RNF135: variants seen among roughly 807,000 people sequenced by gnomAD.
The protein encoded by RNF135 is E3 ubiquitin-protein ligase RNF135.
In RNF135, 46 loss-of-function variants were observed where a neutral mutation model predicts 41.9. The observed-to-expected ratio is 1.10, with a 90% CI of 0.87 to 1.40. RNF135 has a LOEUF of 1.40. Ranked by LOEUF, RNF135 falls within the 40% of genes most tolerant of loss-of-function variation. RNF135 has a pLI of 0.00. For synonymous variants in RNF135, 238 were observed against 223.8 expected, an observed-to-expected ratio of 1.06 and a Z score of -0.57; for missense variants, 539 against 549.8, an observed-to-expected ratio of 0.98 and a Z score of 0.20.
At position 30,999,140 on chromosome 17, in the gene RNF135, G is replaced by A. The variant is rs764458756; in HGVS notation, c.1248G>A (p.Leu416=). 4.3e-6 allele frequency: 7 copies of A among 1,614,142 alleles called. No individual in the cohort carries two copies. The highest frequency in any genetic ancestry group is 3.3e-5 in the Admixed American group (2 of 60,014). ...CTCCTTTGTACCCTGCCTTCTGGCTGTATGGCTTACATCCTGGAAATTACC... is the reference window on the plus strand; with the variant it reads ...CTCCTTTGTACCCTGCCTTCTGGCTATATGGCTTACATCCTGGAAATTACC... ...ASSPLYPAFW[L]YGLHPGNYLI... Residue 416 remains leucine (L), a synonymous_variant, in exon 5 of 5, where the codon CTG becomes CTA. Transcript: ENST00000328381.
At chr17:30,971,485 G>C in intron 1 of RNF135, 40 bp downstream of exon 1, 4 of 1,454,556 alleles carry the variant, frequency 2.7e-6, no homozygotes, top group Non-Finnish European at 3.6e-6. Context: ...GCTCCCCCGG[G>C]CTGCCCGCCG....
intron 1 of RNF135, among the ~76,000 whole-genome samples, chr17:30,980,833 C>G (rs970936639): frequency 6.7e-6 from 1 of 150,296 alleles, no homozygotes. Context: ...CTCCTCGCTT[C>G]CTAGATGGGA....
At chr17:30,995,373 G>T (rs1409647137) in intron 3 of RNF135, among the ~76,000 whole-genome samples, 1 of 151,646 alleles carries the variant, frequency 6.6e-6, no homozygotes, top group African/African-American at 2.4e-5. Flanking sequence ...GGGCGACAGA[G>T]CGAGACTCAG....
chr17:30,987,873 A>G, intron 2 of RNF135, 71 bp from the exon 3 acceptor site: 1 of 1,398,778 alleles, frequency 7.1e-7, no homozygotes, highest in Non-Finnish European at 1.0e-6. Flanking sequence ...GAATAGAAAA[A>G]CTTGAATATA....
At chr17:30,980,646 C>G (rs926818873) in intron 1 of RNF135, among the ~76,000 whole-genome samples, 1 of 129,162 alleles carries the variant, frequency 7.7e-6, no homozygotes, top group African/African-American at 2.9e-5. Flanking sequence ...ACTTCTCAGA[C>G]GGAGCGGCCG....
chr17:30,982,188 G>A (rs1338906600), intron 1 of RNF135, among the ~76,000 whole-genome samples: 1 of 152,206 alleles, frequency 6.6e-6, no homozygotes, highest in Non-Finnish European at 1.5e-5. Context: ...ACTAGGACTT[G>A]CCTAGGAGTT....
At chr17:30,984,462 A>G (rs576761543) in intron 1 of RNF135, among the ~76,000 whole-genome samples, 155 bp from the exon 2 acceptor site, 1 of 152,324 alleles carries the variant, frequency 6.6e-6, no homozygotes, top group South Asian at 2.1e-4. Flanking sequence ...TTAACTATAT[A>G]TGTGAGAGTT....
rs1165909805 is a variant in RNF135 at position 30,971,249 on chromosome 17, G to A, written c.176G>A (p.Cys59Tyr). ...GCCCGCGACGCCCGCCGCTGGGCCT[G>A]CCCCACTTGCCGCCAGGGCGCCGCG... ...WGARDARRWA[C>Y]PTCRQGAAQQ... Residue 59 changes from cysteine to tyrosine, a missense_variant, in exon 1 of 5, where the codon TGC becomes TAC. Physicochemically the swap from Cys to Tyr is radical, Grantham distance 194 (BLOSUM62 -2). Transcript: ENST00000328381. 1.1e-5 allele frequency: 17 copies of A among 1,521,450 alleles called. No individual in the cohort carries two copies. The highest frequency in any genetic ancestry group is 1.4e-5 in the Non-Finnish European group (16 of 1,139,960). The allele number at this position is 1,521,450 out of a possible 1,614,324, so 94.2% of individuals were successfully genotyped here.
At chr17:30,976,432 G>A (rs551259033) in intron 1 of RNF135, among the ~76,000 whole-genome samples, 1 of 152,308 alleles carries the variant, frequency 6.6e-6, no homozygotes, top group Admixed American at 6.5e-5. Flanking sequence ...ATTCTGTAGC[G>A]TGGATGTAAA....
At chr17:30,970,641 C>T (rs1201807360), upstream of RNF135, 3 of 201,152 alleles carry the variant, frequency 1.5e-5, no homozygotes, top group African/African-American at 4.8e-5. Flanking sequence ...ACTTCGTGGG[C>T]TCATTCTCAT....
At chr17:30,998,012 A>G (rs994773341) in intron 4 of RNF135, among the ~76,000 whole-genome samples, 2 of 152,220 alleles carry the variant, frequency 1.3e-5, no homozygotes, top group Admixed American at 6.5e-5. Flanking sequence ...GAAGGTATAA[A>G]CAGCTGTGGT....
chr17:30,971,539 T>G (rs1905948653), intron 1 of RNF135, 94 bp downstream of exon 1: 1 of 1,385,302 alleles, frequency 7.2e-7, no homozygotes, highest in South Asian at 1.6e-5. Flanking sequence ...CCTCAGCCGT[T>G]CTACTTTTAC....
intron 1 of RNF135, among the ~76,000 whole-genome samples, chr17:30,980,453 A>C (rs1907019702): frequency 7.7e-6 from 1 of 129,034 alleles, no homozygotes. Flanking sequence ...GCGGCCGGGC[A>C]GAGGAGCCCC....
chr17:30,982,127 A>G (rs1907193881), intron 1 of RNF135, among the ~76,000 whole-genome samples: 1 of 152,146 alleles, frequency 6.6e-6, no homozygotes, highest in East Asian at 1.9e-4. Context: ...CCTTCCCTTC[A>G]TGGTGGCACA....
In RNF135 at chr17:30,974,690, T is replaced by TA. The variant is rs1466543365; in HGVS notation, c.372+3245_372+3246insA. On this transcript the variant is annotated intron_variant, in intron 1 of 4. Coordinates refer to ENST00000328381, the MANE Select transcript of RNF135 (RefSeq NM_032322.4). Reference sequence around the variant, plus strand: ...TTTTTATTATTATTATTATTATTATTTTTTTTTGAGACAGAGTCTTGTTCT... The same window carrying TA: ...TTTTTATTATTATTATTATTATTATTATTTTTTTGAGACAGAGTCTTGTTCT... 4.4e-4 allele frequency among the ~76,000 whole-genome samples: 65 copies of TA among 148,170 alleles called. 1 individual carries two copies. The highest frequency in any genetic ancestry group is 1.5e-3 in the African/African-American group (58 of 38,628).
At chr17:30,975,673 C>T in intron 1 of RNF135, 1 of 1,396,284 alleles carries the variant, frequency 7.2e-7, no homozygotes, top group Non-Finnish European at 1.0e-6. Flanking sequence ...GTGGAGTCAC[C>T]ACCAGTGTCG....
intron 1 of RNF135, among the ~76,000 whole-genome samples, chr17:30,974,586 A>C (rs1298394041): frequency 1.3e-5 from 2 of 150,106 alleles, no homozygotes; most frequent in Non-Finnish European, 3.0e-5. Context: ...TAATTCCTTC[A>C]GTGATTTTTT....
chr17:30,997,771 G>C (rs1223659488), intron 4 of RNF135, among the ~76,000 whole-genome samples: 4 of 152,148 alleles, frequency 2.6e-5, no homozygotes, highest in African/African-American at 9.7e-5. Flanking sequence ...GTGATCTTGG[G>C]CAAGTCACTT....
intron 4 of RNF135, among the ~76,000 whole-genome samples, chr17:30,997,987 T>C (rs1908480265): frequency 6.6e-6 from 1 of 152,238 alleles, no homozygotes; most frequent in East Asian, 1.9e-4. Flanking sequence ...AATCAGGAAG[T>C]TTCAGTTTAA....
Sources: allele counts gnomAD v4.1 joint callset (sites outside exome capture counted in the v4.1 genomes callset), GRCh38; gene constraint gnomAD v4.1.1; transcripts MANE v1.5; gene names NCBI Gene and HGNC (gene_info 2026-07-23, HGNC 2026-07-21).